The following CDC42BPB variants were observed in gnomAD, a reference collection of about 807,000 sequenced individuals.
CDC42BPB encodes the protein CDC42 binding protein kinase beta, also known as serine/threonine-protein kinase MRCK beta.
CDC42BPB carries 37 observed loss-of-function variants against 214.9 expected under a neutral mutation model. The ratio of observed to expected loss-of-function variants is 0.17; its 90% CI spans 0.13 to 0.23. The LOEUF (loss-of-function observed/expected upper bound fraction) is 0.23, where lower values mean the gene tolerates loss of function less well. CDC42BPB is among the 10% of genes least tolerant of loss of function. The probability of loss-of-function intolerance (pLI) is 1.00; values close to 1 mark genes in which losing one functional copy is unlikely to be tolerated. For synonymous variants in CDC42BPB, 931 were observed against 884.0 expected (o/e 1.05, Z -0.94); for missense variants, 1,694 against 2,227.0 (o/e 0.76, Z 4.82).
At chr14:102,947,182 T>C (rs188882490) in intron 27 of CDC42BPB, among the ~76,000 whole-genome samples, 2 of 152,258 alleles carry the variant, frequency 1.3e-5, no homozygotes, top group Admixed American at 1.3e-4. Context: ...AAAAGCTAAT[T>C]TATAGACTTA....
chr14:102,997,189 T>C (rs1016517079), intron 5 of CDC42BPB, among the ~76,000 whole-genome samples: 1 of 152,104 alleles, frequency 6.6e-6, no homozygotes, highest in Non-Finnish European at 1.5e-5. Flanking sequence ...CACAAAGCCA[T>C]GGAGACCACA....
At position 103,004,391 on chromosome 14, in the gene CDC42BPB, G is replaced by C. The variant is rs1895137450; in HGVS notation, c.352-368C>G. 4.9e-6 allele frequency: 1 copy of C among 204,254 alleles called. No individual in the cohort carries two copies. Among genetic ancestry groups the C allele is most frequent in the African/African-American group, 2.3e-5 (1 of 43,208 alleles). 12.7% of individuals were successfully genotyped at this position (204,254 alleles called of 1,614,324 possible). On this transcript the variant is annotated intron_variant, in intron 3 of 36. Coordinates refer to ENST00000361246, the MANE Select transcript of CDC42BPB (RefSeq NM_006035.4). This position sits in a 1 kb window ranked among gnomAD's most constrained non-coding sequence, Gnocchi z 5.3. The stretch of plus-strand genomic sequence containing the variant: ...ACCTCTGCCAAGTATCGATGGCATG[G>C]GCAGCCCCACGTGTCTGCCCTCTCC...
intron 3 of CDC42BPB, among the ~76,000 whole-genome samples, chr14:103,007,779 G>A (rs1885923032): frequency 7.3e-6 from 1 of 136,146 alleles, no homozygotes; most frequent in Non-Finnish European, 1.6e-5. Flanking sequence ...CATGATGGAC[G>A]GAGCAGATCT....
At position 102,954,215 on chromosome 14, in the gene CDC42BPB, C is replaced by G. The variant is rs1306175978; in HGVS notation, c.3049G>C (p.Ala1017Pro). The change falls in exon 23 of 37, where the codon GCT (alanine) becomes CCT (proline). Residue 1017 changes from alanine to proline, a missense_variant. By Grantham distance (27) the Ala-to-Pro change is conservative. Around this residue, in one of 7 missense-constraint regions of CDC42BPB, gnomAD observed 156 missense variants for 154.5 expected, o/e 1.01. Transcript: ENST00000361246. ...GCCCCTACCTTCGGTCCAGCCAGAG[C>G]CAGGGCCTGCGTGGTGGGCAACGGC... ...AVPLPTTQALALAGPKPKAHQ... is the reference protein window; with the variant it reads ...AVPLPTTQALPLAGPKPKAHQ... 6.5e-7 allele frequency: 1 copy of G among 1,549,096 alleles called. No individual in the cohort carries two copies. The highest frequency in any genetic ancestry group is 8.7e-7 in the Non-Finnish European group (1 of 1,146,498).
intron 7 of CDC42BPB, among the ~76,000 whole-genome samples, chr14:102,982,506 C>T (rs1221602342): frequency 2.0e-5 from 3 of 152,134 alleles, no homozygotes; most frequent in African/African-American, 4.8e-5. Flanking sequence ...CGATGGCTCA[C>T]GCCTGTAATC....
rs1891993962 is a variant in CDC42BPB, at chr14:102,943,475, GAATT to G, written c.4408+412_4408+415del. Among the ~76,000 whole-genome samples, 2 of 152,090 alleles carry G rather than the reference GAATT, an allele frequency of 1.3e-5. No individual in the cohort carries two copies. The highest frequency in any genetic ancestry group is 4.1e-4 in the South Asian group (2 of 4,826). On this transcript the variant is annotated intron_variant, in intron 30 of 36. Transcript: ENST00000361246. The surrounding 1 kb of genome is among the most constrained non-coding windows in gnomAD (Gnocchi z 4.6). ...GACTGTAACTTAAGACACCAGAGGT[GAATT>G]ATTTTCTGGCCACCAAAACCCCTCA...
intron 1 of CDC42BPB, among the ~76,000 whole-genome samples, chr14:103,018,894 G>A (rs1468451626): frequency 6.6e-6 from 1 of 152,194 alleles, no homozygotes; most frequent in Non-Finnish European, 1.5e-5. Context: ...CTGTTGTGAG[G>A]CAACTAGAGA....
intron 19 of CDC42BPB, 49 bp from the exon 20 acceptor site, chr14:102,963,204 G>A (rs763528629): frequency 6.4e-7 from 1 of 1,564,586 alleles, no homozygotes; most frequent in African/African-American, 1.4e-5. Context: ...GAGGTTGTCT[G>A]TGAGCTGGTA....
Position 103,021,779 on chromosome 14 carries a change from CG to C in CDC42BPB, c.176-9592del, listed in dbSNP as rs994991948. Among the ~76,000 whole-genome samples the C allele has an allele frequency of 4.0e-5, 6 of 151,812 alleles. No individual in the cohort carries two copies. In the East Asian group the frequency reaches 1.2e-3, roughly 29 times the overall value. The stretch of plus-strand genomic sequence containing the variant: ...ACCTGAGGAGCGGGGTGGGCCAGAG[CG>C]GGGGTCGTGTGGTACAGGCGGGGAT... On this transcript the variant is annotated intron_variant, in intron 1 of 36. Transcript: ENST00000361246.
intron 8 of CDC42BPB, among the ~76,000 whole-genome samples, chr14:102,979,915 A>C (rs935960541): frequency 6.6e-6 from 1 of 152,200 alleles, no homozygotes; most frequent in African/African-American, 2.4e-5. Flanking sequence ...GAAAATCCTG[A>C]TCTTAAACAT....
rs556254453 is a variant in CDC42BPB, at chr14:103,049,307, G to A, written c.175+7692C>T. ...CCGGCCTGCTTGGCTGAAGGAGGGT[G>A]GGATGGCCACCGTCTCAGATGGTGG... On this transcript the variant is annotated intron_variant, in intron 1 of 36. Transcript: ENST00000361246. Among the ~76,000 whole-genome samples, 29 of 152,350 alleles carry A rather than the reference G, an allele frequency of 1.9e-4. 1 individual carries two copies. The South Asian group carries it at 4.8e-3, about 25-fold the overall frequency.
chr14:102,938,519 A>C, intron 34 of CDC42BPB, 108 bp from the exon 35 acceptor site: 1 of 1,449,874 alleles, frequency 6.9e-7, no homozygotes. Context: ...TTGATGAGCA[A>C]AATGGGGGCC....
At position 102,938,156 on chromosome 14, in the gene CDC42BPB, A is replaced by C; in HGVS notation, c.4952T>G (p.Val1651Gly). The C allele has an allele frequency of 6.2e-7, 1 of 1,613,896 alleles. No homozygotes were observed. The highest frequency in any genetic ancestry group is 8.5e-7 in the Non-Finnish European group (1 of 1,179,980). The change falls in exon 36 of 37, where the codon GTG (valine) becomes GGG (glycine). Residue 1651 changes from valine (V) to glycine (G), a missense_variant. Physicochemically the swap from Val to Gly is moderately radical, Grantham distance 109. Around this residue, in one of 7 missense-constraint regions of CDC42BPB, gnomAD observed 146 missense variants for 134.1 expected, o/e 1.09. Transcript: ENST00000361246. ...WPSSGGSEPS[V>G]TVPLRSMSDP... ...AGACATACTTCTCAGAGGCACAGTCACGCTAGGCTCCGATCCACCTACAGA... is the reference window on the plus strand; with the variant it reads ...AGACATACTTCTCAGAGGCACAGTCCCGCTAGGCTCCGATCCACCTACAGA...
rs772636121 is a variant in CDC42BPB, at chr14:102,980,861, C to T, written c.1052G>A (p.Arg351Gln). Residue 351 changes from arginine (R) to glutamine (Q), a missense_variant, in exon 8 of 37, where the codon CGA becomes CAA. This residue lies in a region of CDC42BPB where 225 missense variants were observed against 459.3 expected (regional missense o/e 0.49). Transcript: ENST00000361246. ...AGGAATATAAGGTGCTTCTAGGTTT[C>T]GTATATTTTCCCAATTTAGACCTTC... ...FFEGLNWENI[R>Q]NLEAPYIPDV... The T allele has an allele frequency of 6.2e-6, 10 of 1,614,048 alleles. No homozygotes were observed. In the East Asian group the frequency reaches 6.7e-5, roughly 11 times the overall value.
At chr14:103,056,858 G>A (rs1306290013) in intron 1 of CDC42BPB, 141 bp downstream of exon 1, 19 of 526,080 alleles carry the variant, frequency 3.6e-5, no homozygotes, top group East Asian at 3.6e-5. Context: ...CTGCCAGAGC[G>A]AGAGGAGGCG....
Position 102,943,931 on chromosome 14 carries a change from G to A in CDC42BPB, c.4368C>T (p.Arg1456=), listed in dbSNP as rs566447749. 32 of 1,612,448 alleles carry A rather than the reference G, an allele frequency of 2.0e-5. No homozygotes were observed. Among genetic ancestry groups the A allele is most frequent in the Non-Finnish European group, 2.6e-5 (31 of 1,179,846 alleles). ...CCGCAGGCCACATGAGCTCCTGCGC[G>A]CGTGCCCTCCGGCCTTGCGGGTCCA... ...LYVDPQGRRA[R]AQELMWPAAP... The change falls in exon 30 of 37, where the codon CGC becomes CGT. Residue 1456 remains arginine (R), a synonymous_variant. Transcript: ENST00000361246. The surrounding 1 kb of genome is among the most constrained non-coding windows in gnomAD (Gnocchi z 4.6).
chr14:102,977,925 C>G (rs1893830722), intron 9 of CDC42BPB, among the ~76,000 whole-genome samples: 1 of 152,186 alleles, frequency 6.6e-6, no homozygotes, highest in Non-Finnish European at 1.5e-5. Flanking sequence ...GAGAAAAAGC[C>G]TGCAACCTTG....
At chr14:103,031,646 C>T (rs1200751678) in intron 1 of CDC42BPB, among the ~76,000 whole-genome samples, 2 of 152,186 alleles carry the variant, frequency 1.3e-5, no homozygotes, top group African/African-American at 2.4e-5. Context: ...TCTCTACAGG[C>T]GCCCACACGC....
At chr14:102,989,200 T>C (rs1595498888) in intron 5 of CDC42BPB, among the ~76,000 whole-genome samples, 1 of 152,164 alleles carries the variant, frequency 6.6e-6, no homozygotes. Context: ...AAACTACAAT[T>C]GTGTACCACC....
Sources: gnomAD v4.1 joint callset for allele counts (sites outside exome capture counted in the v4.1 genomes callset) on GRCh38, gnomAD v4.1.1 for gene constraint, gnomAD v4.1.1 regional missense constraint, Gnocchi (gnomAD v3.1) non-coding constraint, MANE v1.5 for transcripts, NCBI Gene and HGNC (gene_info 2026-07-23, HGNC 2026-07-21) for gene names.